WDPCP: variants seen among roughly 807,000 people sequenced by gnomAD.
WDPCP encodes WD repeat-containing and planar cell polarity effector protein fritz homolog.
In WDPCP, 71 loss-of-function variants were observed where a neutral mutation model predicts 93.1. That is an observed-to-expected ratio of 0.76 (90% CI 0.63 to 0.93). The LOEUF is 0.93. WDPCP is among the 40% of genes least tolerant of loss of function. The probability of loss-of-function intolerance (pLI) is 0.00; values close to 1 mark genes in which losing one functional copy is unlikely to be tolerated. For synonymous variants in WDPCP, 315 were observed against 315.0 expected, an observed-to-expected ratio of 1.00 and a Z score of 0.00; for missense variants, 844 against 887.4, an observed-to-expected ratio of 0.95 and a Z score of 0.62.
intron 1 of WDPCP, among the ~76,000 whole-genome samples, chr2:63,542,933 G>A (rs1704853807): frequency 6.6e-6 from 1 of 151,862 alleles, no homozygotes; most frequent in African/African-American, 2.4e-5. Context: ...AACATATTCT[G>A]AAATAAATGT....
rs57687780 is a variant in WDPCP, at chr2:63,326,484, G to C, written c.1749-13173C>G. Among the ~76,000 whole-genome samples the C allele has an allele frequency of 1.1e-4, 16 of 152,170 alleles. No homozygotes were observed. The South Asian group carries it at 3.3e-3, about 32-fold the overall frequency. On this transcript the variant is annotated intron_variant, in intron 12 of 17. Transcript: ENST00000272321. ...ACTAGTGGCACTTACCTGAGCCTTAGAACTGGGAAAGGGAAAGACCAGCAG... is the reference window on the plus strand; with the variant it reads ...ACTAGTGGCACTTACCTGAGCCTTACAACTGGGAAAGGGAAAGACCAGCAG...
intron 17 of WDPCP, among the ~76,000 whole-genome samples, chr2:63,132,449 TCTC>T (rs1422555940): frequency 2.0e-5 from 3 of 151,606 alleles, no homozygotes; most frequent in Non-Finnish European, 4.4e-5. Context: ...CTTATTGTCT[TCTC>T]CTTCTGGGAT....
In WDPCP at chr2:63,390,673, G is replaced by A. The variant is rs1380571951; in HGVS notation, c.1436-8579C>T. Among the ~76,000 whole-genome samples the A allele has an allele frequency of 5.9e-5, 9 of 151,822 alleles. 1 individual carries two copies. Among genetic ancestry groups the A allele is most frequent in the Admixed American group, 3.3e-4 (5 of 15,214 alleles). ...CCGCTAGCAAGACTAATAAAGAAGA[G>A]AGAACAATCAAATAGATGCAATAAA... is the stretch of plus-strand genomic sequence containing the variant. On this transcript the variant is annotated intron_variant, in intron 10 of 17. Transcript: ENST00000272321.
At chr2:63,450,926 C>T (rs552156479) in intron 6 of WDPCP, among the ~76,000 whole-genome samples, 90 of 151,992 alleles carry the variant, frequency 5.9e-4, no homozygotes, top group African/African-American at 2.0e-3. Context: ...TGTAAGAGCA[C>T]GGGAAGTATG....
At chr2:63,216,766 CTTAA>C (rs1677388948) in intron 14 of WDPCP, among the ~76,000 whole-genome samples, 1 of 151,404 alleles carries the variant, frequency 6.6e-6, no homozygotes, top group Non-Finnish European at 1.5e-5. Flanking sequence ...CATGGCCAAA[CTTAA>C]TTTTTTTCCT....
chr2:63,575,461 ATATATG>A (rs1707954162), intron 1 of WDPCP, among the ~76,000 whole-genome samples: 1 of 17,266 alleles, frequency 5.8e-5, no homozygotes, highest in African/African-American at 3.1e-4. Context: ...TATATACAGT[ATATATG>A]CAGTATATAC....
chr2:63,648,719 T>G (rs1710079316), intron 3 of WDPCP, among the ~76,000 whole-genome samples: 1 of 152,230 alleles, frequency 6.6e-6, no homozygotes, highest in Non-Finnish European at 1.5e-5. Context: ...CTCTTTTTAC[T>G]GCTGAATTTT....
At chr2:63,468,274 CA>C (rs934160837) in intron 6 of WDPCP, among the ~76,000 whole-genome samples, 1 of 152,178 alleles carries the variant, frequency 6.6e-6, no homozygotes, top group African/African-American at 2.4e-5. Flanking sequence ...ATCTCCCCCA[CA>C]AATCTCTCAC....
In WDPCP at chr2:63,491,368, T is replaced by C. The variant is rs1025098153; in HGVS notation, c.160+1488A>G. Among the ~76,000 whole-genome samples the C allele has an allele frequency of 5.3e-5, 8 of 152,326 alleles. 1 individual carries two copies. The highest frequency in any genetic ancestry group is 1.9e-4 in the African/African-American group (8 of 41,576). ...GCACTAAAAAACTGATTGGAAGCCCTGTGTACACACATAGAGCTTGCCAAC... is the reference window on the plus strand; with the variant it reads ...GCACTAAAAAACTGATTGGAAGCCCCGTGTACACACATAGAGCTTGCCAAC... On this transcript the variant is annotated intron_variant, in intron 2 of 17. Coordinates refer to ENST00000272321, the MANE Select transcript of WDPCP (RefSeq NM_015910.7).
chr2:63,604,692 CT>C (rs779189275), intron 3 of WDPCP: 1 of 1,609,754 alleles, frequency 6.2e-7, no homozygotes, highest in Non-Finnish European at 8.5e-7. Context: ...TTCAATTTAA[CT>C]AGATTGCTCT....
intron 6 of WDPCP, among the ~76,000 whole-genome samples, chr2:63,460,594 T>C (rs1698938742): frequency 6.6e-6 from 1 of 151,916 alleles, no homozygotes; most frequent in Admixed American, 6.6e-5. Flanking sequence ...CCCACAAATA[T>C]GTAAATTATG....
rs886056225 is a variant in WDPCP, at chr2:63,484,987, G to A, written c.254C>T (p.Ser85Leu). Reference protein sequence around the residue: ...NLEKKQKLAESRDYPWTLKNR... With the variant: ...NLEKKQKLAELRDYPWTLKNR... ...TTTGAGCGTCCAAGGATAATCTCGT[G>A]CTGGCAAATAAAACATGTACTACAG... The change falls in exon 5 of 18, where the codon TCA becomes TTA. Residue 85 changes from serine to leucine, a missense_variant and splice_region_variant. By Grantham distance (145) the Ser-to-Leu change is moderately radical. Transcript: ENST00000272321. 1 of 1,612,436 alleles carries A rather than the reference G, an allele frequency of 6.2e-7. No homozygotes were observed.
intron 15 of WDPCP, among the ~76,000 whole-genome samples, chr2:63,160,848 C>T (rs994765795): frequency 5.9e-5 from 9 of 152,156 alleles, no homozygotes; most frequent in African/African-American, 2.2e-4. Flanking sequence ...GTCTTTGCTT[C>T]ACTAAAATAC....
At chr2:63,212,538 G>A (rs1471766370) in intron 14 of WDPCP, among the ~76,000 whole-genome samples, 1 of 152,148 alleles carries the variant, frequency 6.6e-6, no homozygotes, top group Non-Finnish European at 1.5e-5. Context: ...GACCATCGAT[G>A]CTAGGAAGAA....
At chr2:63,595,049 C>T in intron 3 of WDPCP, 2 of 304,794 alleles carry the variant, frequency 6.6e-6, no homozygotes, top group Non-Finnish European at 1.2e-5. Context: ...TTTCTTGACC[C>T]ATGGATACTG....
chr2:63,816,388 A>T (rs780821893), intron 1 of WDPCP, among the ~76,000 whole-genome samples: 36 of 152,228 alleles, frequency 2.4e-4, no homozygotes, highest in Non-Finnish European at 4.6e-4. Context: ...ATGTGCCTAT[A>T]TTTGGGAAAA....
At chr2:63,384,975 T>G (rs1692613997) in intron 10 of WDPCP, among the ~76,000 whole-genome samples, 1 of 151,944 alleles carries the variant, frequency 6.6e-6, no homozygotes, top group African/African-American at 2.4e-5. Flanking sequence ...TAATATACCA[T>G]GAACAAGCAA....
chr2:63,366,300 C>A (rs893091448), intron 12 of WDPCP, among the ~76,000 whole-genome samples: 6 of 152,102 alleles, frequency 3.9e-5, no homozygotes, highest in Middle Eastern at 3.4e-3. Flanking sequence ...CAAAGCCCAA[C>A]CCTACATGAA....
At chr2:63,611,119 A>G (rs1242351989) in intron 3 of WDPCP, among the ~76,000 whole-genome samples, 1 of 152,198 alleles carries the variant, frequency 6.6e-6, no homozygotes, top group Non-Finnish European at 1.5e-5. Flanking sequence ...TAAAAGCTAT[A>G]TAGATACCTG....
Sources: gnomAD v4.1 joint callset for allele counts (sites outside exome capture counted in the v4.1 genomes callset) on GRCh38, gnomAD v4.1.1 for gene constraint, MANE v1.5 for transcripts, NCBI Gene and HGNC (gene_info 2026-07-23, HGNC 2026-07-21) for gene names.